The following SH3D21 variants were observed in gnomAD, a reference collection of about 807,000 sequenced individuals.
The protein encoded by SH3D21 is manchette microtubule inner protein 1, also known as SH3 domain-containing protein 21.
Under a neutral mutation model 82.1 loss-of-function variants are expected in SH3D21, and 83 were observed. The observed-to-expected ratio is 1.01, with a 90% CI of 0.85 to 1.21. The LOEUF is 1.21. Ranked by LOEUF, SH3D21 falls within the 50% of genes most tolerant of loss-of-function variation. SH3D21 has a pLI of 0.00. For synonymous variants in SH3D21, 383 were observed against 387.8 expected, an observed-to-expected ratio of 0.99 and a Z score of 0.15; for missense variants, 980 against 962.1, an observed-to-expected ratio of 1.02 and a Z score of -0.25.
Position 36,316,339 on chromosome 1 carries a change from A to C in SH3D21, c.770-2732A>C, listed in dbSNP as rs1646342476. Among the ~76,000 whole-genome samples, 3 of 152,154 alleles carry C rather than the reference A, an allele frequency of 2.0e-5. No homozygotes were observed. In the East Asian group the frequency reaches 5.8e-4, roughly 29 times the overall value. On this transcript the variant is annotated intron_variant, in intron 10 of 15. Transcript: ENST00000453908. Reference sequence around the variant, plus strand: ...AACCTCCTCCTTCCGGGTTCAAGCAATTCTCGTGCTTCAGCCTCCCCAGTA... The same window carrying C: ...AACCTCCTCCTTCCGGGTTCAAGCACTTCTCGTGCTTCAGCCTCCCCAGTA...
In SH3D21 at chr1:36,306,633, G is replaced by A. The variant is rs894370213; in HGVS notation, c.40G>A (p.Glu14Lys). 1 of 1,302,444 alleles carries A rather than the reference G, an allele frequency of 7.7e-7. No homozygotes were observed. The highest frequency in any genetic ancestry group is 2.3e-5 in the Admixed American group (1 of 43,554). The allele number at this position is 1,302,444 out of a possible 1,614,324, so 80.7% of individuals were successfully genotyped here. ...LVLAGYRAQKEDELSLAPGDV... is the reference protein window; with the variant it reads ...LVLAGYRAQKKDELSLAPGDV... The stretch of plus-strand genomic sequence containing the variant: ...CCTGGCCGGATACCGCGCGCAGAAG[G>A]AGGACGAGCTGAGTCTGGCGCCCGG... Residue 14 changes from glutamate (E) to lysine (K), a missense_variant, in exon 2 of 16, where the codon GAG becomes AAG. Glu to Lys is a moderately conservative substitution (Grantham distance 56). Coordinates refer to ENST00000453908, the MANE Select transcript of SH3D21 (RefSeq NM_001162530.2). This position sits in a 1 kb window ranked among gnomAD's most constrained non-coding sequence, Gnocchi z 4.5.
At chr1:36,316,854 C>T (rs1255730846) in intron 10 of SH3D21, among the ~76,000 whole-genome samples, 1 of 151,542 alleles carries the variant, frequency 6.6e-6, no homozygotes, top group Non-Finnish European at 1.5e-5. Flanking sequence ...ATCTCCGCCT[C>T]CCAGGTTCAA....
chr1:36,328,074 G>A (rs536028891), downstream of SH3D21: 10 of 460,800 alleles, frequency 2.2e-5, no homozygotes, highest in Middle Eastern at 1.3e-3. Context: ...CTGCCTGCTT[G>A]TTGACTGCTT....
downstream of SH3D21, among the ~76,000 whole-genome samples, chr1:36,326,341 C>G (rs569238532): frequency 1.3e-5 from 2 of 151,816 alleles, no homozygotes; most frequent in Non-Finnish European, 2.9e-5. Flanking sequence ...GAGTGATTCT[C>G]CTGCCTCAGC....
At position 36,307,178 on chromosome 1, in the gene SH3D21, A is replaced by G; in HGVS notation, c.238A>G (p.Lys80Glu). Reference protein sequence around the residue: ...RCARRRGHPAKHPRPQRWCKV... With the variant: ...RCARRRGHPAEHPRPQRWCKV... ...TTGTCCGGTGCTAGGTCATCCTGCC[A>G]AACACCCGAGGCCCCAAAGATGGTG... The change falls in exon 4 of 16, where the codon AAA becomes GAA. Residue 80 changes from lysine (K) to glutamate (E), a missense_variant. Coordinates refer to ENST00000453908, the MANE Select transcript of SH3D21 (RefSeq NM_001162530.2). This position sits in a 1 kb window ranked among gnomAD's most constrained non-coding sequence, Gnocchi z 5.4. The G allele has an allele frequency of 6.4e-7, 1 of 1,551,702 alleles. No homozygotes were observed. The highest frequency in any genetic ancestry group is 1.2e-5 in the South Asian group (1 of 84,042).
downstream of SH3D21, chr1:36,323,217 G>T (rs950434577): frequency 8.8e-6 from 6 of 678,326 alleles, no homozygotes; most frequent in Admixed American, 1.5e-4. Context: ...GGCCCTGTCG[G>T]GGGGAACCCC....
chr1:36,318,741 C>G (rs1433440072), intron 10 of SH3D21, among the ~76,000 whole-genome samples: 1 of 151,872 alleles, frequency 6.6e-6, no homozygotes, highest in Admixed American at 6.6e-5. Flanking sequence ...CCCATCTCTA[C>G]TAAAAATACA....
At chr1:36,324,609 A>AC (rs899742119), downstream of SH3D21, 1 of 151,556 alleles carries the variant, frequency 6.6e-6, no homozygotes, top group African/African-American at 2.4e-5. Flanking sequence ...TGGGCCAGCG[A>AC]CCCTCTCCCT....
rs1188604883 is a variant in SH3D21, at chr1:36,306,952, C to T, written c.226+47C>T. On this transcript the variant is annotated intron_variant, in intron 3 of 15. Transcript: ENST00000453908. The surrounding 1 kb of genome is among the most constrained non-coding windows in gnomAD (Gnocchi z 4.5). Reference sequence around the variant, plus strand: ...GGCGCCGGTGGGCGGGTGCACGGAGCCAGTGCGACCCCGGCGTCTCCGGCT... The same window carrying T: ...GGCGCCGGTGGGCGGGTGCACGGAGTCAGTGCGACCCCGGCGTCTCCGGCT... 3.0e-6 allele frequency: 4 copies of T among 1,334,138 alleles called. No homozygotes were observed. Among genetic ancestry groups the T allele is most frequent in the Non-Finnish European group, 3.9e-6 (4 of 1,033,508 alleles). The allele number at this position is 1,334,138 out of a possible 1,614,324, so 82.6% of individuals were successfully genotyped here.
downstream of SH3D21, chr1:36,322,972 G>A: frequency 1.2e-6 from 2 of 1,605,920 alleles, no homozygotes; most frequent in East Asian, 2.2e-5. Flanking sequence ...CGCCCTCACC[G>A]CGGATGTGCG....
downstream of SH3D21, chr1:36,322,571 C>T: frequency 6.3e-7 from 1 of 1,585,964 alleles, no homozygotes; most frequent in Non-Finnish European, 8.5e-7. Context: ...CGTCCTCGGG[C>T]TCCAGGGTGC....
In SH3D21 at chr1:36,306,821, T is replaced by G. The variant is rs1366916839; in HGVS notation, c.163-21T>G. On this transcript the variant is annotated intron_variant, in intron 2 of 15. Coordinates refer to ENST00000453908, the MANE Select transcript of SH3D21 (RefSeq NM_001162530.2). The surrounding 1 kb of genome is among the most constrained non-coding windows in gnomAD (Gnocchi z 4.5). ...CGCCCCCCGGGAGCTGAGAGCGCCT[T>G]CCCCGTGCCCTGATTCCCAGGAGAT... 7.0e-6 allele frequency: 9 copies of G among 1,294,910 alleles called. No homozygotes were observed. The highest frequency in any genetic ancestry group is 8.1e-6 in the Non-Finnish European group (8 of 988,990). 80.2% of individuals were successfully genotyped at this position (1,294,910 alleles called of 1,614,324 possible).
At chr1:36,318,830 A>G (rs1646388532) in intron 10 of SH3D21, among the ~76,000 whole-genome samples, 1 of 151,896 alleles carries the variant, frequency 6.6e-6, no homozygotes, top group African/African-American at 2.4e-5. Context: ...AATGGCGTGA[A>G]CCAGGGAGGC....
downstream of SH3D21, chr1:36,322,477 C>G (rs201498075): frequency 6.2e-7 from 1 of 1,604,324 alleles, no homozygotes; most frequent in Non-Finnish European, 8.5e-7. Context: ...TTGAGGGGCC[C>G]GTCCGGCTCT....
At chr1:36,328,590 GC>G, downstream of SH3D21, 3 of 190,356 alleles carry the variant, frequency 1.6e-5, no homozygotes, top group Non-Finnish European at 3.3e-5. Flanking sequence ...GGGCAACATG[GC>G]GAAACCCCAT....
In SH3D21 at chr1:36,314,918, G is replaced by GCCCTA. The variant is rs1010438268; in HGVS notation, c.770-4148_770-4144dup. On this transcript the variant is annotated intron_variant, in intron 10 of 15. Coordinates refer to ENST00000453908, the MANE Select transcript of SH3D21 (RefSeq NM_001162530.2). Reference sequence around the variant, plus strand: ...GTTAAGCTGCTGATCCTCACAGTTTGCCCTACCCTGCAGAACATCCATGTG... The same window carrying GCCCTA: ...GTTAAGCTGCTGATCCTCACAGTTTGCCCTACCCTACCCTGCAGAACATCCATGTG... Among the ~76,000 whole-genome samples the GCCCTA allele has an allele frequency of 5.8e-4, 88 of 152,110 alleles. 1 individual carries two copies. The highest frequency in any genetic ancestry group is 3.9e-4 in the Admixed American group (6 of 15,254).
intron 10 of SH3D21, among the ~76,000 whole-genome samples, chr1:36,318,166 C>T (rs989376311): frequency 6.6e-6 from 1 of 151,984 alleles, no homozygotes; most frequent in African/African-American, 2.4e-5. Flanking sequence ...GGATGTGTCT[C>T]ATAAGGAAAT....
intron 10 of SH3D21, among the ~76,000 whole-genome samples, chr1:36,316,424 G>A (rs1646344320): frequency 6.6e-6 from 1 of 152,200 alleles, no homozygotes; most frequent in African/African-American, 2.4e-5. Context: ...TAGTAGAGAT[G>A]AGGTTTCACC....
At chr1:36,317,155 CCAAA>C (rs1297463381) in intron 10 of SH3D21, among the ~76,000 whole-genome samples, 1 of 152,200 alleles carries the variant, frequency 6.6e-6, no homozygotes, top group Non-Finnish European at 1.5e-5. Flanking sequence ...CATCTGGCTG[CCAAA>C]CAGTCTTCTA....
Sources: gnomAD v4.1 joint callset for allele counts (sites outside exome capture counted in the v4.1 genomes callset) on GRCh38, gnomAD v4.1.1 for gene constraint, Gnocchi (gnomAD v3.1) non-coding constraint, MANE v1.5 for transcripts, NCBI Gene and HGNC (gene_info 2026-07-23, HGNC 2026-07-21) for gene names.